The following HECTD4 variants were observed in gnomAD, a reference collection of about 807,000 sequenced individuals.
HECTD4 encodes the protein probable E3 ubiquitin-protein ligase HECTD4.
Under a neutral mutation model 471.5 loss-of-function variants are expected in HECTD4, and 114 were observed. That is an observed-to-expected ratio of 0.24 (90% CI 0.21 to 0.28). The LOEUF is 0.28. Among genes scored for constraint, HECTD4 ranks in the 10% least tolerant of loss-of-function variants. HECTD4 has a pLI of 1.00. For missense variants in HECTD4, 3,866 were observed against 5,651.5 expected (o/e 0.68, Z 10.13); for synonymous variants, 2,012 against 2,256.0 (o/e 0.89, Z 3.07).
At position 112,193,177 on chromosome 12, in the gene HECTD4, C is replaced by T. The variant is rs769007142; in HGVS notation, c.8970G>A (p.Gln2990=). The T allele has an allele frequency of 6.2e-7, 1 of 1,613,914 alleles. No homozygotes were observed. The highest frequency in any genetic ancestry group is 2.2e-5 in the East Asian group (1 of 44,888). The change falls in exon 58 of 76, where the codon CAG becomes CAA. Residue 2990 remains glutamine (Q), a synonymous_variant. Transcript: ENST00000682272. This position sits in a 1 kb window ranked among gnomAD's most constrained non-coding sequence, Gnocchi z 5.2. Reference sequence around the variant, plus strand: ...AAATTGGGAACTCTTCGGAGGGGAACTGCTCTGGTGCTGTCTGCAAAGAGA... The same window carrying T: ...AAATTGGGAACTCTTCGGAGGGGAATTGCTCTGGTGCTGTCTGCAAAGAGA... ...ICSFLQTAPE[Q]FPSEEFPISE... is the part of the protein sequence containing the mutation.
At chr12:112,278,938 A>G (rs953088061) in intron 9 of HECTD4, among the ~76,000 whole-genome samples, 1 of 152,260 alleles carries the variant, frequency 6.6e-6, no homozygotes, top group East Asian at 1.9e-4. Context: ...TTGCTGTATC[A>G]TCAGTAAATA....
intron 41 of HECTD4, among the ~76,000 whole-genome samples, chr12:112,229,327 AAAAC>A (rs111958992): frequency 0.07 from 10,583 of 151,278 alleles, 1,306 homozygotes; most frequent in East Asian, 0.6. Context: ...ACTCTGTCTC[AAAAC>A]AAACAAACAA....
chr12:112,358,966 G>A (rs577193974), intron 1 of HECTD4, among the ~76,000 whole-genome samples: 2 of 152,242 alleles, frequency 1.3e-5, no homozygotes, highest in South Asian at 4.1e-4. Context: ...ACGAGGTCAG[G>A]AGATCAAGAC....
At chr12:112,343,587 C>T (rs1433479569) in intron 1 of HECTD4, among the ~76,000 whole-genome samples, 3 of 151,750 alleles carry the variant, frequency 2.0e-5, no homozygotes. Flanking sequence ...CTGGGCAACA[C>T]GGCAAGACCT....
At chr12:112,376,566 A>G in intron 1 of HECTD4, among the ~76,000 whole-genome samples, 1 of 151,902 alleles carries the variant, frequency 6.6e-6, no homozygotes, top group East Asian at 1.9e-4. Flanking sequence ...TTCTTAATTC[A>G]CTCATAGTAA....
rs755864566 is a variant in HECTD4 at position 112,221,927 on chromosome 12, C to CTTTT, written c.6971-2442_6971-2439dup. Among the ~76,000 whole-genome samples the CTTTT allele has an allele frequency of 3.7e-5, 5 of 134,522 alleles. 1 individual carries two copies. Among genetic ancestry groups the CTTTT allele is most frequent in the Admixed American group, 7.4e-5 (1 of 13,562 alleles). The allele number at this position is 134,522 out of a possible 152,430, so 88.3% of individuals were successfully genotyped here. On this transcript the variant is annotated intron_variant, in intron 44 of 75. Coordinates refer to ENST00000682272, the MANE Select transcript of HECTD4 (RefSeq NM_001388303.1). ...TCGCCCCCATGCTCGGCTGATTTTT[C>CTTTT]TTTTTTTTTTTTTTGAGACGGAGTC...
At chr12:112,369,978 G>A (rs1250976760) in intron 1 of HECTD4, among the ~76,000 whole-genome samples, 1 of 152,138 alleles carries the variant, frequency 6.6e-6, no homozygotes, top group East Asian at 1.9e-4. Flanking sequence ...CTGTAAATGT[G>A]ACCTTAGATG....
chr12:112,165,327 C>CT lies in HECTD4; in HGVS notation c.12535-1053dup, dbSNP rs2030896046. On this transcript the variant is annotated intron_variant, in intron 72 of 75. Coordinates refer to ENST00000682272, the MANE Select transcript of HECTD4 (RefSeq NM_001388303.1). The stretch of plus-strand genomic sequence containing the variant: ...CCTGCCTGAAGTCAAACCCATCATG[C>CT]TTTTTGTTTTAAGAGCAACTAATTT... 2.7e-5 allele frequency among the ~76,000 whole-genome samples: 4 copies of CT among 149,310 alleles called. No homozygotes were observed. In the South Asian group the frequency reaches 8.6e-4, roughly 32 times the overall value.
intron 1 of HECTD4, among the ~76,000 whole-genome samples, chr12:112,372,491 G>A (rs1435918524): frequency 1.7e-5 from 2 of 116,668 alleles, no homozygotes; most frequent in Non-Finnish European, 3.4e-5. Flanking sequence ...TCGATCTCCT[G>A]ACCTCGTGAT....
intron 7 of HECTD4, among the ~76,000 whole-genome samples, chr12:112,294,618 C>T (rs2034963810): frequency 6.6e-6 from 1 of 152,114 alleles, no homozygotes; most frequent in African/African-American, 2.4e-5. Context: ...TCTTTTCCAT[C>T]TTATCCTCCC....
intron 69 of HECTD4, chr12:112,170,102 G>A (rs747685502): frequency 2.3e-5 from 14 of 598,660 alleles, no homozygotes; most frequent in Non-Finnish European, 4.1e-5. Context: ...TGCCCCACCT[G>A]ACCCCATGCA....
intron 50 of HECTD4, among the ~76,000 whole-genome samples, chr12:112,209,515 G>T (rs60808588): frequency 2.0e-5 from 3 of 151,836 alleles, no homozygotes; most frequent in Non-Finnish European, 2.9e-5. Context: ...TAGTAGAGAC[G>T]GGGTTTCTCC....
chr12:112,226,113 G>A (rs1593951001), intron 44 of HECTD4, among the ~76,000 whole-genome samples: 1 of 152,066 alleles, frequency 6.6e-6, no homozygotes, highest in African/African-American at 2.4e-5. Flanking sequence ...GTTATGAGTA[G>A]ACAACTGTTG....
At chr12:112,263,667 C>T (rs1350285107) in intron 17 of HECTD4, among the ~76,000 whole-genome samples, 3 of 150,110 alleles carry the variant, frequency 2.0e-5, no homozygotes, top group African/African-American at 7.4e-5. Context: ...ATATAATAAA[C>T]CATCTAAAAT....
At chr12:112,325,450 T>G (rs1387819727) in intron 1 of HECTD4, among the ~76,000 whole-genome samples, 3 of 152,218 alleles carry the variant, frequency 2.0e-5, no homozygotes, top group African/African-American at 7.2e-5. Context: ...TTCAGAATTC[T>G]AAAGTTTGAA....
Position 112,304,007 on chromosome 12 carries a change from G to A in HECTD4, c.1335+2057C>T, listed in dbSNP as rs11066247. Reference sequence around the variant, plus strand: ...TAAATCAAGAAATAGCAATATAAGCGTTTTACTTAGGGATATGAAGGTCAC... The same window carrying A: ...TAAATCAAGAAATAGCAATATAAGCATTTTACTTAGGGATATGAAGGTCAC... On this transcript the variant is annotated intron_variant, in intron 7 of 75. Transcript: ENST00000682272. 0.056 allele frequency among the ~76,000 whole-genome samples: 8,490 copies of A among 151,900 alleles called. 1,295 individuals are homozygous for A. In the East Asian group the frequency reaches 0.61, roughly 11 times the overall value.
chr12:112,348,410 T>G (rs1377438832), intron 1 of HECTD4, among the ~76,000 whole-genome samples: 1 of 152,192 alleles, frequency 6.6e-6, no homozygotes, highest in Non-Finnish European at 1.5e-5. Context: ...AACAGAACTA[T>G]AGATGGAAAA....
At chr12:112,170,835 T>C in intron 68 of HECTD4, 4 of 472,614 alleles carry the variant, frequency 8.5e-6, no homozygotes, top group Non-Finnish European at 1.5e-5. Flanking sequence ...TGTAGGGATG[T>C]GGAGGCCAGA....
At chr12:112,349,234 A>T (rs2036208214) in intron 1 of HECTD4, among the ~76,000 whole-genome samples, 1 of 152,064 alleles carries the variant, frequency 6.6e-6, no homozygotes, top group Non-Finnish European at 1.5e-5. Flanking sequence ...CTAAAAATAC[A>T]AAAACTTAGC....
Sources: gnomAD v4.1 joint callset for allele counts (sites outside exome capture counted in the v4.1 genomes callset) on GRCh38, gnomAD v4.1.1 for gene constraint, Gnocchi (gnomAD v3.1) non-coding constraint, MANE v1.5 for transcripts, NCBI Gene and HGNC (gene_info 2026-07-23, HGNC 2026-07-21) for gene names.